Variants in HNRNPM observed in about 807,000 individuals in gnomAD.
HNRNPM encodes the protein CEA receptor.
HNRNPM carries 11 observed loss-of-function variants against 73.1 expected under a neutral mutation model. That is an observed-to-expected ratio of 0.15 (90% CI 0.09 to 0.25). HNRNPM has a LOEUF of 0.25. Ranked by LOEUF, HNRNPM falls within the 10% of genes least tolerant of loss-of-function variation. The probability of loss-of-function intolerance (pLI) is 1.00; values close to 1 mark genes in which losing one functional copy is unlikely to be tolerated. For synonymous variants in HNRNPM, 407 were observed against 355.2 expected, an observed-to-expected ratio of 1.15 and a Z score of -1.64; for missense variants, 789 against 1,067.9, an observed-to-expected ratio of 0.74 and a Z score of 3.64.
intron 2 of HNRNPM, among the ~76,000 whole-genome samples, chr19:8,459,468 T>C (rs1969250039): frequency 6.6e-6 from 1 of 152,024 alleles, no homozygotes; most frequent in Non-Finnish European, 1.5e-5. Flanking sequence ...AGAGTGTGCA[T>C]GTGTTCTGTG....
intron 10 of HNRNPM, 148 bp downstream of exon 10, chr19:8,471,575 A>AAC (rs1970141433): frequency 6.6e-6 from 3 of 452,412 alleles, no homozygotes; most frequent in Non-Finnish European, 7.9e-6. Flanking sequence ...CATTTTGAAT[A>AAC]AAGGCAGTAT....
intron 2 of HNRNPM, among the ~76,000 whole-genome samples, chr19:8,456,129 C>T (rs1164959854): frequency 6.6e-6 from 1 of 152,084 alleles, no homozygotes; most frequent in Non-Finnish European, 1.5e-5. Flanking sequence ...ATAGAGTAGA[C>T]TGGCCATTGG....
intron 12 of HNRNPM, among the ~76,000 whole-genome samples, chr19:8,482,246 T>C (rs1799983780): frequency 6.6e-6 from 1 of 152,188 alleles, no homozygotes; most frequent in Non-Finnish European, 1.5e-5. Flanking sequence ...CATGAGCTAC[T>C]GCGCGGCCGG....
intron 12 of HNRNPM, among the ~76,000 whole-genome samples, chr19:8,482,365 A>G (rs578069567): frequency 1.3e-4 from 20 of 152,320 alleles, no homozygotes; most frequent in Non-Finnish European, 2.4e-4. Flanking sequence ...GGTGGGTACA[A>G]GTGTCTTCTA....
intron 12 of HNRNPM, among the ~76,000 whole-genome samples, chr19:8,480,523 C>T (rs1215741780): frequency 2.0e-5 from 3 of 151,510 alleles, no homozygotes; most frequent in Admixed American, 6.6e-5. Flanking sequence ...AAAATTTAGC[C>T]GGGCGTGGTG....
At chr19:8,460,686 C>T (rs1488131697) in intron 2 of HNRNPM, among the ~76,000 whole-genome samples, 1 of 152,222 alleles carries the variant, frequency 6.6e-6, no homozygotes, top group Non-Finnish European at 1.5e-5. Flanking sequence ...TGGACACAGA[C>T]TAGAAACTTC....
chr19:8,445,761 C>T (rs1197384459), intron 1 of HNRNPM, among the ~76,000 whole-genome samples: 2 of 152,252 alleles, frequency 1.3e-5, no homozygotes, highest in African/African-American at 4.8e-5. Flanking sequence ...CCGTTTCCCG[C>T]TCCTCCTCCC....
intron 1 of HNRNPM, among the ~76,000 whole-genome samples, chr19:8,446,731 C>T (rs1440208140): frequency 6.6e-6 from 1 of 152,104 alleles, no homozygotes; most frequent in African/African-American, 2.4e-5. Flanking sequence ...AAGAACGTTC[C>T]CTAAGTGCTA....
rs780614526 is a variant in HNRNPM at position 8,471,426 on chromosome 19, A to G, written c.996A>G (p.Ala332=). 3 of 1,581,764 alleles carry G rather than the reference A, an allele frequency of 1.9e-6. No homozygotes were observed. The highest frequency in any genetic ancestry group is 2.6e-6 in the Non-Finnish European group (3 of 1,159,196). Residue 332 remains alanine (A), a splice_region_variant and synonymous_variant, in exon 10 of 16, where the codon GCA becomes GCG. Transcript: ENST00000325495. ...TCGGAATGGGAAACATAGGTCCCGC[A>G]GGTGAGAATGACAGTGCACCTTGCT... The part of the protein sequence containing the change: ...KGIGMGNIGP[A]GMGMEGIGFG...
intron 12 of HNRNPM, among the ~76,000 whole-genome samples, chr19:8,475,953 A>AT (rs1970475880): frequency 7.4e-6 from 1 of 135,906 alleles, no homozygotes; most frequent in Non-Finnish European, 1.5e-5. Context: ...TCATTAGGGA[A>AT]TTTGAGTTGT....
In HNRNPM at chr19:8,462,714, C is replaced by A; in HGVS notation, c.336+133C>A. On this transcript the variant is annotated intron_variant, in intron 3 of 15. Transcript: ENST00000325495. This position sits in a 1 kb window ranked among gnomAD's most constrained non-coding sequence, Gnocchi z 4.5. ...AGTAGCTATGTTTGATTTTGCCAAA[C>A]ATTTGAGTGGGGTGGGAGGGGATTT... The A allele has an allele frequency of 2.6e-6, 2 of 779,640 alleles. No individual in the cohort carries two copies. Among genetic ancestry groups the A allele is most frequent in the Non-Finnish European group, 4.5e-6 (2 of 444,374 alleles). 48.3% of individuals were successfully genotyped at this position (779,640 alleles called of 1,614,324 possible).
Position 8,466,269 on chromosome 19 carries a change from A to C in HNRNPM, c.665A>C (p.Glu222Ala), listed in dbSNP as rs766767057. 1 of 1,613,948 alleles carries C rather than the reference A, an allele frequency of 6.2e-7. No individual in the cohort carries two copies. The highest frequency in any genetic ancestry group is 8.5e-7 in the Non-Finnish European group (1 of 1,179,994). The part of the protein sequence containing the change: ...DYKVGWKKLK[E>A]VFSMAGVVVR... ...AAAGTTGGCTGGAAGAAACTGAAGGAAGTATTTAGTATGGCTGGTGTGGTG... is the reference window on the plus strand; with the variant it reads ...AAAGTTGGCTGGAAGAAACTGAAGGCAGTATTTAGTATGGCTGGTGTGGTG... Residue 222 changes from glutamate (E) to alanine (A), a missense_variant, in exon 7 of 16, where the codon GAA (glutamate) becomes GCA (alanine). Transcript: ENST00000325495.
intron 1 of HNRNPM, chr19:8,445,339 C>T (rs139864259): frequency 0.015 from 5,959 of 393,470 alleles, 58 homozygotes; most frequent in Non-Finnish European, 0.02. Flanking sequence ...CCCTCAGTCC[C>T]TCCAGGCCGG....
At chr19:8,480,336 T>C in intron 12 of HNRNPM, among the ~76,000 whole-genome samples, 1 of 91,496 alleles carries the variant, frequency 1.1e-5, no homozygotes, top group Non-Finnish European at 2.3e-5. Flanking sequence ...AGAGTGAGAC[T>C]CCATCTCAAA....
At position 8,455,396 on chromosome 19, in the gene HNRNPM, C is replaced by G. The variant is rs761194818; in HGVS notation, c.114-9C>G. ...CCCTTTACCTTTTTTTCCTCTCTCT[C>G]GAATTCAGTGAAGGAGAACGACCTG... On this transcript the variant is annotated splice_polypyrimidine_tract_variant and intron_variant, in intron 1 of 15. Transcript: ENST00000325495. 12 of 1,605,512 alleles carry G rather than the reference C, an allele frequency of 7.5e-6. No individual in the cohort carries two copies. In the Admixed American group the frequency reaches 1.7e-4, roughly 23 times the overall value.
Position 8,474,254 on chromosome 19 carries a change from G to A in HNRNPM, c.1120+10G>A, listed in dbSNP as rs781295106. 8 of 1,566,136 alleles carry A rather than the reference G, an allele frequency of 5.1e-6. No homozygotes were observed. Among genetic ancestry groups the A allele is most frequent in the Non-Finnish European group, 6.9e-6 (8 of 1,157,262 alleles). ...ATGGGCAGGATAAATGGTAAGCATC[G>A]TGTTTTCTTCCTGCTTTCACTCACC... On this transcript the variant is annotated intron_variant, in intron 12 of 15. Transcript: ENST00000325495.
chr19:8,449,056 T>C (rs1273851514), intron 1 of HNRNPM, among the ~76,000 whole-genome samples: 2 of 152,230 alleles, frequency 1.3e-5, no homozygotes, highest in African/African-American at 4.8e-5. Flanking sequence ...ATTGTTTTAT[T>C]TAAATCAGAT....
chr19:8,477,006 A>C (rs1272865419), intron 12 of HNRNPM, among the ~76,000 whole-genome samples: 1 of 152,148 alleles, frequency 6.6e-6, no homozygotes, highest in Non-Finnish European at 1.5e-5. Flanking sequence ...ATTGGCAGCC[A>C]GTCCTTGTTA....
intron 3 of HNRNPM, 49 bp from the exon 4 acceptor site, chr19:8,463,448 C>CT (rs1376822935): frequency 1.1e-5 from 17 of 1,597,574 alleles, no homozygotes; most frequent in Non-Finnish European, 1.4e-5. Context: ...TTTTTCTTTT[C>CT]TTTTTCCCCT....
Sources: allele counts gnomAD v4.1 joint callset (sites outside exome capture counted in the v4.1 genomes callset), GRCh38; gene constraint gnomAD v4.1.1; non-coding constraint Gnocchi (gnomAD v3.1); transcripts MANE v1.5; gene names NCBI Gene and HGNC (gene_info 2026-07-23, HGNC 2026-07-21).